KRT6B: variants seen among roughly 807,000 people sequenced by gnomAD.
KRT6B encodes the protein keratin 6B.
In KRT6B, 29 loss-of-function variants were observed where a neutral mutation model predicts 44.7. The ratio of observed to expected loss-of-function variants is 0.65; its 90% CI spans 0.48 to 0.88. The LOEUF is 0.88. Ranked by LOEUF, KRT6B falls within the 40% of genes least tolerant of loss-of-function variation. KRT6B has a pLI of 0.00. For synonymous variants in KRT6B, 213 were observed against 296.0 expected, an observed-to-expected ratio of 0.72 and a Z score of 2.88; for missense variants, 600 against 724.0, an observed-to-expected ratio of 0.83 and a Z score of 1.97.
chr12:52,447,852 C>T lies in KRT6B; in HGVS notation c.1350G>A (p.Glu450=). ...DLARLLKEYQ[E]LMNVKLALDV... ...CCAGGGCCAGCTTGACGTTCATCAG[C>T]TCCTGGTACTCCTTCAGCAGCCGGG... The change falls in exon 7 of 9, where the codon GAG becomes GAA. Residue 450 remains glutamate, a synonymous_variant. Coordinates refer to ENST00000252252, the MANE Select transcript of KRT6B (RefSeq NM_005555.4). The T allele has an allele frequency of 6.2e-7, 1 of 1,614,184 alleles. No individual in the cohort carries two copies. The highest frequency in any genetic ancestry group is 8.5e-7 in the Non-Finnish European group (1 of 1,180,040).
chr12:52,446,840 G>T lies in KRT6B; in HGVS notation c.*350C>A. On this transcript the variant is annotated 3_prime_UTR_variant, in exon 9 of 9. Transcript: ENST00000252252. ...GTAGCTATAATGGGCAGGATGGTTA[G>T]CAATTAAAGAGAGGACTCCTCATCT... The T allele has an allele frequency of 5.6e-4, 198 of 352,964 alleles. No homozygotes were observed. The highest frequency in any genetic ancestry group is 1.5e-3 in the South Asian group (42 of 28,958). The allele number at this position is 352,964 out of a possible 1,614,324, so 21.9% of individuals were successfully genotyped here.
intron 1 of KRT6B, among the ~76,000 whole-genome samples, chr12:52,450,912 T>C (rs1940393447): frequency 6.6e-6 from 1 of 152,280 alleles, no homozygotes; most frequent in Middle Eastern, 3.2e-3. Flanking sequence ...ACAAATCTAG[T>C]TTAAAAATAC....
rs146904435 is a variant in KRT6B at position 52,448,854 on chromosome 12, G to T, written c.1191C>A (p.His397Gln). ...CCCCTCACCATACCTGCTTCTTGAC[G>T]TGGTCGATCTCAGATCTCAGCCTCT... is the stretch of plus-strand genomic sequence containing the variant. ...MIQRLRSEID[H>Q]VKKQCANLQA... Residue 397 changes from histidine to glutamine, a missense_variant, in exon 6 of 9, where the codon CAC becomes CAA. His to Gln is a conservative substitution (Grantham distance 24). Transcript: ENST00000252252. The T allele has an allele frequency of 1.2e-6, 2 of 1,614,024 alleles. No homozygotes were observed. The highest frequency in any genetic ancestry group is 4.5e-5 in the East Asian group (2 of 44,866).
chr12:52,451,933 C>T lies in KRT6B; in HGVS notation c.146G>A (p.Gly49Asp). 13 of 1,613,178 alleles carry T rather than the reference C, an allele frequency of 8.1e-6. No homozygotes were observed. Among genetic ancestry groups the T allele is most frequent in the Non-Finnish European group, 1.1e-5 (13 of 1,179,978 alleles). The change falls in exon 1 of 9, where the codon GGC becomes GAC. Residue 49 changes from glycine to aspartate, a missense_variant. Transcript: ENST00000252252. Reference protein sequence around the residue: ...SRSRGSGGLGGACGGAGFGSR... With the variant: ...SRSRGSGGLGDACGGAGFGSR... ...GCCAAAGCCAGCTCCTCCACATGCG[C>T]CACCCAGGCCACCACTGCCCCTGGA...
chr12:52,451,377 C>T (rs75392725), intron 1 of KRT6B, among the ~76,000 whole-genome samples, 162 bp downstream of exon 1: 2,590 of 148,486 alleles, frequency 0.017, no homozygotes, highest in Non-Finnish European at 0.028. Flanking sequence ...GGAGTGATGC[C>T]CATCTGTGCT....
chr12:52,447,612 G>A, intron 7 of KRT6B, 39 bp from the exon 8 acceptor site: 2 of 1,613,988 alleles, frequency 1.2e-6, no homozygotes, highest in Non-Finnish European at 1.7e-6. Flanking sequence ...ACCTTCCCTG[G>A]ACGAGCATGG....
In KRT6B at chr12:52,450,050, G is replaced by C. The variant is rs538217383; in HGVS notation, c.778C>G (p.Arg260Gly). ...KNKYEDEINKRTAAENEFVTL... is the reference protein window; with the variant it reads ...KNKYEDEINKGTAAENEFVTL... Reference sequence around the variant, plus strand: ...ACAAATTCATTCTCTGCTGCTGTGCGCTTGTTGATTTCATCCTCATATCTA... The same window carrying C: ...ACAAATTCATTCTCTGCTGCTGTGCCCTTGTTGATTTCATCCTCATATCTA... The change falls in exon 3 of 9, where the codon CGC becomes GGC. Residue 260 changes from arginine (R) to glycine (G), a missense_variant. By Grantham distance (125) the Arg-to-Gly change is moderately radical (BLOSUM62 -2). This residue lies in a region of KRT6B where 479 missense variants were observed against 454.2 expected (regional missense o/e 1.05). Transcript: ENST00000252252. 2 of 1,613,910 alleles carry C rather than the reference G, an allele frequency of 1.2e-6. No homozygotes were observed. Among genetic ancestry groups the C allele is most frequent in the Non-Finnish European group, 1.7e-6 (2 of 1,179,858 alleles).
rs1809636332 is a variant in KRT6B at position 52,450,575 on chromosome 12, T to C, written c.586A>G (p.Thr196Ala). Residue 196 changes from threonine (T) to alanine (A), a missense_variant, in exon 2 of 9, where the codon ACC becomes GCC. Physicochemically the swap from Thr to Ala is moderately conservative, Grantham distance 58 (BLOSUM62 0). Transcript: ENST00000252252. ...QQNKVLDTKW[T>A]LLQEQGTKTV... ...TTGGTGCCCTGCTCCTGCAGCAGGGTCCACTTGGTGTCCAGAACCTTGTTC... is the reference window on the plus strand; with the variant it reads ...TTGGTGCCCTGCTCCTGCAGCAGGGCCCACTTGGTGTCCAGAACCTTGTTC... 1.9e-6 allele frequency: 3 copies of C among 1,614,052 alleles called. No individual in the cohort carries two copies. Among genetic ancestry groups the C allele is most frequent in the Non-Finnish European group, 1.7e-6 (2 of 1,180,026 alleles).
rs948122084 is a variant in KRT6B at position 52,447,042 on chromosome 12, T to G, written c.*148A>C. 52 of 917,488 alleles carry G rather than the reference T, an allele frequency of 5.7e-5. No homozygotes were observed. The highest frequency in any genetic ancestry group is 8.4e-5 in the Non-Finnish European group (51 of 605,018). The allele number at this position is 917,488 out of a possible 1,614,324, so 56.8% of individuals were successfully genotyped here. A position where few individuals can be genotyped will look rare whatever the true frequency, so the allele number is the denominator to read the frequency against. ...CAACAGGAGCTCAGTGGAACAGGTATTGATGAGAAGAAAAGTGAGGGCATC... is the reference window on the plus strand; with the variant it reads ...CAACAGGAGCTCAGTGGAACAGGTAGTGATGAGAAGAAAAGTGAGGGCATC... On this transcript the variant is annotated 3_prime_UTR_variant, in exon 9 of 9. Coordinates refer to ENST00000252252, the MANE Select transcript of KRT6B (RefSeq NM_005555.4).
At chr12:52,450,798 C>T (rs1940391640) in intron 1 of KRT6B, among the ~76,000 whole-genome samples, 178 bp from the exon 2 acceptor site, 1 of 152,242 alleles carries the variant, frequency 6.6e-6, no homozygotes, top group Non-Finnish European at 1.5e-5. Flanking sequence ...CCACCAGTCT[C>T]ACTAGAGAAA....
At chr12:52,449,073 C>A (rs1229570278) in intron 5 of KRT6B, 106 bp from the exon 6 acceptor site, 36 of 1,529,742 alleles carry the variant, frequency 2.4e-5, no homozygotes, top group Middle Eastern at 2.0e-4. Context: ...CTAATGGCTT[C>A]TCCCCAAGAA....
rs1420653047 is a variant in KRT6B at position 52,449,503 on chromosome 12, C to A, written c.1043G>T (p.Ser348Ile). ...KAQYEEIAQR[S>I]RAEAESWYQT... ...GTACCAGGACTCAGCCTCAGCCCTG[C>A]TCCTCTGAGCAATCTCCTCATATTG... Residue 348 changes from serine to isoleucine, a missense_variant, in exon 5 of 9, where the codon AGC becomes ATC. This residue lies in a region of KRT6B where 479 missense variants were observed against 454.2 expected (regional missense o/e 1.05). Transcript: ENST00000252252. 1 of 1,614,082 alleles carries A rather than the reference C, an allele frequency of 6.2e-7. No individual in the cohort carries two copies. The highest frequency in any genetic ancestry group is 8.5e-7 in the Non-Finnish European group (1 of 1,180,038).
intron 2 of KRT6B, 87 bp downstream of exon 2, chr12:52,450,319 G>A: frequency 2.7e-6 from 4 of 1,508,434 alleles, no homozygotes; most frequent in African/African-American, 1.4e-5. Flanking sequence ...CATTTCCATG[G>A]ACATGGGTTG....
intron 1 of KRT6B, 112 bp from the exon 2 acceptor site, chr12:52,450,732 G>C: frequency 1.3e-6 from 2 of 1,502,760 alleles, no homozygotes; most frequent in Non-Finnish European, 1.8e-6. Context: ...CTACTACAGT[G>C]CATGTAGAGA....
At position 52,449,516 on chromosome 12, in the gene KRT6B, T is replaced by C. The variant is rs774682488; in HGVS notation, c.1030A>G (p.Ile344Val). Reference protein sequence around the residue: ...IAEVKAQYEEIAQRSRAEAES... With the variant: ...IAEVKAQYEEVAQRSRAEAES... ...GCCTCAGCCCTGCTCCTCTGAGCAA[T>C]CTCCTCATATTGGGCCTTGACCTCA... Residue 344 changes from isoleucine to valine, a missense_variant, in exon 5 of 9, where the codon ATT (isoleucine) becomes GTT (valine). Coordinates refer to ENST00000252252, the MANE Select transcript of KRT6B (RefSeq NM_005555.4). 1.9e-6 allele frequency: 3 copies of C among 1,614,178 alleles called. No individual in the cohort carries two copies. The East Asian group carries it at 6.7e-5, about 36-fold the overall frequency.
intron 3 of KRT6B, 59 bp downstream of exon 3, chr12:52,449,953 G>C (rs1940371669): frequency 6.2e-7 from 1 of 1,613,744 alleles, no homozygotes; most frequent in African/African-American, 1.3e-5. Context: ...GGGGAGCGAG[G>C]ACACAGAGCC....
At position 52,446,683 on chromosome 12, in the gene KRT6B, C is replaced by G. The variant is rs1940315713; in HGVS notation, c.*507G>C. On this transcript the variant is annotated 3_prime_UTR_variant, in exon 9 of 9. Transcript: ENST00000252252. ...TCTCAATATGCTTTATTCAACAGAA[C>G]AAAAGAAGGCAAAGAGAGCAGAGAA... is the stretch of plus-strand genomic sequence containing the variant. 1.1e-5 allele frequency: 2 copies of G among 174,228 alleles called. No homozygotes were observed. The highest frequency in any genetic ancestry group is 2.5e-5 in the Non-Finnish European group (2 of 80,186). 10.8% of individuals were successfully genotyped at this position (174,228 alleles called of 1,614,324 possible). A position where few individuals can be genotyped will look rare whatever the true frequency, so the allele number is the denominator to read the frequency against.
At chr12:52,450,367 T>C in intron 2 of KRT6B, 39 bp downstream of exon 2, 6 of 1,604,942 alleles carry the variant, frequency 3.7e-6, no homozygotes, top group Non-Finnish European at 2.6e-6. Flanking sequence ...GGTCACCCAA[T>C]AGTCTTGAAG....
chr12:52,450,690 C>T lies in KRT6B; in HGVS notation c.541-70G>A, dbSNP rs529930121. 1.1e-3 allele frequency: 1,694 copies of T among 1,610,480 alleles called. 13 individuals are homozygous for T. In the South Asian group the frequency reaches 0.013, roughly 12 times the overall value. On this transcript the variant is annotated intron_variant, in intron 1 of 8. Coordinates refer to ENST00000252252, the MANE Select transcript of KRT6B (RefSeq NM_005555.4). The stretch of plus-strand genomic sequence containing the variant: ...GAGAAAGTGTCTGGTATCCAGTTTC[C>T]TGGAGGTCTGGGAGGTCCCCATGGT...
Sources: allele counts gnomAD v4.1 joint callset (sites outside exome capture counted in the v4.1 genomes callset), GRCh38; gene constraint gnomAD v4.1.1; regional missense constraint gnomAD v4.1.1; transcripts MANE v1.5; gene names NCBI Gene and HGNC (gene_info 2026-07-23, HGNC 2026-07-21).